MAPK9: variants seen among roughly 807,000 people sequenced by gnomAD.
The protein encoded by MAPK9 is Jun kinase.
Under a neutral mutation model 57.1 loss-of-function variants are expected in MAPK9, and 30 were observed. The ratio of observed to expected loss-of-function variants is 0.53; its 90% CI spans 0.39 to 0.71. The LOEUF (loss-of-function observed/expected upper bound fraction) is 0.71. Ranked by LOEUF, MAPK9 falls within the 30% of genes least tolerant of loss-of-function variation. The pLI is 0.00. For synonymous variants in MAPK9, 155 were observed against 177.0 expected (o/e 0.88, Z 0.99); for missense variants, 362 against 521.0 (o/e 0.69, Z 2.97).
intron 9 of MAPK9, 35 bp downstream of exon 9, chr5:180,240,996 C>A (rs562225301): frequency 1.9e-6 from 3 of 1,584,688 alleles, no homozygotes; most frequent in Admixed American, 1.8e-5. Flanking sequence ...TAAGCCTGGC[C>A]TCTCTATATA....
intron 8 of MAPK9, among the ~76,000 whole-genome samples, chr5:180,241,976 T>A (rs1757707027): frequency 6.6e-6 from 1 of 152,188 alleles, no homozygotes; most frequent in Non-Finnish European, 1.5e-5. Flanking sequence ...TATACAGTGC[T>A]GGCAACTTAC....
chr5:180,278,110 G>A (rs1381569065), intron 2 of MAPK9, among the ~76,000 whole-genome samples: 2 of 152,198 alleles, frequency 1.3e-5, no homozygotes, highest in African/African-American at 4.8e-5. Flanking sequence ...TAAACAGAAG[G>A]TGGGTCAGAG....
At chr5:180,267,758 G>A (rs1760783341) in intron 3 of MAPK9, among the ~76,000 whole-genome samples, 1 of 152,040 alleles carries the variant, frequency 6.6e-6, no homozygotes, top group African/African-American at 2.4e-5. Flanking sequence ...CCAGCTACTT[G>A]GAGGGCTGAG....
At position 180,268,313 on chromosome 5, in the gene MAPK9, C is replaced by T. The variant is rs114366087; in HGVS notation, c.252+967G>A. Reference sequence around the variant, plus strand: ...CTCTAAATGTAACATCATCTAATAACGTGTATTTGAAACTGGTGTGTCATA... The same window carrying T: ...CTCTAAATGTAACATCATCTAATAATGTGTATTTGAAACTGGTGTGTCATA... On this transcript the variant is annotated intron_variant, in intron 3 of 11. Transcript: ENST00000452135. Among the ~76,000 whole-genome samples the T allele has an allele frequency of 3.1e-3, 465 of 152,286 alleles. 1 individual carries two copies. The highest frequency in any genetic ancestry group is 5.0e-3 in the Non-Finnish European group (343 of 68,026).
At chr5:180,241,878 G>A (rs1757696385) in intron 8 of MAPK9, among the ~76,000 whole-genome samples, 1 of 152,188 alleles carries the variant, frequency 6.6e-6, no homozygotes, top group South Asian at 2.1e-4. Flanking sequence ...ACATCGAAAT[G>A]AAATTAGAAC....
At chr5:180,256,780 A>G (rs754947010) in intron 5 of MAPK9, among the ~76,000 whole-genome samples, 1 of 152,206 alleles carries the variant, frequency 6.6e-6, no homozygotes, top group Non-Finnish European at 1.5e-5. Flanking sequence ...CAAAGCCCCC[A>G]GTGACAGGAG....
rs1239968312 is a variant in MAPK9, at chr5:180,233,689, T to C, written c.*2695A>G. On this transcript the variant is annotated 3_prime_UTR_variant, in exon 12 of 12. Transcript: ENST00000452135. ...CATTAGCAATGTTACTTTTGAGATA[T>C]GCAATCTGAAAGGTCACACTTGTAT... 2 of 152,238 alleles carry C rather than the reference T, an allele frequency of 1.3e-5. No homozygotes were observed. The highest frequency in any genetic ancestry group is 2.9e-5 in the Non-Finnish European group (2 of 68,042). 9.4% of individuals were successfully genotyped at this position (152,238 alleles called of 1,614,324 possible). A position where few individuals can be genotyped will look rare whatever the true frequency, so the allele number is the denominator to read the frequency against.
chr5:180,286,676 CCT>C (rs1762796101), intron 1 of MAPK9, among the ~76,000 whole-genome samples: 1 of 148,146 alleles, frequency 6.8e-6, no homozygotes, highest in African/African-American at 2.5e-5. Context: ...TGCCTATTTC[CCT>C]CTCAATCCCC....
intron 1 of MAPK9, among the ~76,000 whole-genome samples, chr5:180,288,197 G>C (rs1376361753): frequency 6.6e-6 from 1 of 152,178 alleles, no homozygotes; most frequent in African/African-American, 2.4e-5. Context: ...AGAGATTACA[G>C]AGAAACACAT....
At chr5:180,244,935 G>A (rs1757968069) in intron 7 of MAPK9, among the ~76,000 whole-genome samples, 1 of 152,100 alleles carries the variant, frequency 6.6e-6, no homozygotes, top group African/African-American at 2.4e-5. Context: ...CCATCACAAG[G>A]CCCAGGGGCC....
At chr5:180,241,193 AT>A in intron 8 of MAPK9, 38 bp from the exon 9 acceptor site, 1 of 1,585,044 alleles carries the variant, frequency 6.3e-7, no homozygotes, top group Non-Finnish European at 8.6e-7. Flanking sequence ...TGCTGTTAAT[AT>A]GAAACAAACA....
At chr5:180,243,518 T>G (rs1176715881) in intron 7 of MAPK9, among the ~76,000 whole-genome samples, 1 of 152,112 alleles carries the variant, frequency 6.6e-6, no homozygotes, top group African/African-American at 2.4e-5. Flanking sequence ...AAAGTGACAC[T>G]GAAACTGTAC....
Position 180,261,791 on chromosome 5 carries a change from A to G in MAPK9, c.343T>C (p.Leu115=), listed in dbSNP as rs1759992951. Residue 115 remains leucine (L), a synonymous_variant, in exon 5 of 12, where the codon TTA becomes CTA. Transcript: ENST00000452135. ...AGCTCCATGTGAATAACCTGACATA[A>G]GTTAGCATCCATTAATTCCATAACC... is the stretch of plus-strand genomic sequence containing the variant. ...YLVMELMDAN[L]CQVIHMELDH... The G allele has an allele frequency of 1.9e-6, 3 of 1,612,456 alleles. No homozygotes were observed. Among genetic ancestry groups the G allele is most frequent in the Non-Finnish European group, 2.5e-6 (3 of 1,179,408 alleles).
At chr5:180,245,525 G>A (rs963972279) in intron 7 of MAPK9, among the ~76,000 whole-genome samples, 3 of 152,152 alleles carry the variant, frequency 2.0e-5, no homozygotes, top group African/African-American at 4.8e-5. Flanking sequence ...CAGATTCCCC[G>A]AGAGGACTCC....
intron 10 of MAPK9, among the ~76,000 whole-genome samples, chr5:180,238,608 CTTTTTTTTTTT>C (rs746336177): frequency 1.2e-5 from 1 of 85,168 alleles, no homozygotes; most frequent in African/African-American, 5.3e-5. Flanking sequence ...TCTTCTTCTT[CTTTTTTTTTTT>C]TTTTTTTTTG....
Position 180,253,128 on chromosome 5 carries a change from C to T in MAPK9, c.451-3990G>A, listed in dbSNP as rs192868887. Among the ~76,000 whole-genome samples, 30 of 152,326 alleles carry T rather than the reference C, an allele frequency of 2.0e-4. No homozygotes were observed. In the East Asian group the frequency reaches 4.8e-3, roughly 25 times the overall value. On this transcript the variant is annotated intron_variant, in intron 5 of 11. Transcript: ENST00000452135. ...TCCCACAGAGCCGTCAGCCAGGGGC[C>T]GACCGGGCAGGGATGCTGAGGCAGG... is the stretch of plus-strand genomic sequence containing the variant.
chr5:180,291,026 G>A (rs1581346467), intron 1 of MAPK9, among the ~76,000 whole-genome samples: 1 of 152,316 alleles, frequency 6.6e-6, no homozygotes, highest in African/African-American at 2.4e-5. Context: ...GGGTGGTCGA[G>A]GAGGGCCTCA....
chr5:180,278,957 C>CTTTT (rs751873959), intron 2 of MAPK9, among the ~76,000 whole-genome samples: 1 of 139,862 alleles, frequency 7.1e-6, no homozygotes, highest in Non-Finnish European at 1.6e-5. Context: ...AACTTTAAAA[C>CTTTT]TTTTTTTTTT....
chr5:180,264,885 A>G (rs1186278522), intron 3 of MAPK9, 46 bp from the exon 4 acceptor site: 1 of 1,422,888 alleles, frequency 7.0e-7, no homozygotes, highest in Non-Finnish European at 9.5e-7. Flanking sequence ...AGATTACTTG[A>G]TTACAAAAAT....
Sources: allele counts gnomAD v4.1 joint callset (sites outside exome capture counted in the v4.1 genomes callset), GRCh38; gene constraint gnomAD v4.1.1; transcripts MANE v1.5; gene names NCBI Gene and HGNC (gene_info 2026-07-23, HGNC 2026-07-21).